Variants in TLK2 observed in about 807,000 individuals in gnomAD.
TLK2 encodes the protein tousled like kinase 2.
A neutral mutation model predicts 117.3 loss-of-function variants in TLK2; 6 were observed. The observed-to-expected ratio is 0.05, with a 90% confidence interval of 0.03 to 0.10. TLK2 has a LOEUF of 0.10. Ranked by LOEUF, TLK2 falls within the 10% of genes least tolerant of loss-of-function variation. The pLI, the probability that TLK2 is intolerant of heterozygous loss-of-function variation, is 1.00. For synonymous variants in TLK2, 257 were observed against 316.7 expected, an observed-to-expected ratio of 0.81 and a Z score of 2.00; for missense variants, 299 against 901.2, an observed-to-expected ratio of 0.33 and a Z score of 8.56.
intron 2 of TLK2, among the ~76,000 whole-genome samples, chr17:62,514,935 G>A (rs764540040): frequency 2.6e-5 from 4 of 152,190 alleles, no homozygotes; most frequent in Non-Finnish European, 5.9e-5. Flanking sequence ...CAGTTCAGTA[G>A]TAAATACATT....
intron 7 of TLK2, among the ~76,000 whole-genome samples, chr17:62,542,349 C>G (rs1356506488): frequency 6.6e-6 from 1 of 152,194 alleles, no homozygotes; most frequent in Non-Finnish European, 1.5e-5. Flanking sequence ...TTGAACCATC[C>G]TCCTACCTTG....
intron 2 of TLK2, among the ~76,000 whole-genome samples, chr17:62,488,196 A>G (rs2072689272): frequency 1.3e-5 from 2 of 152,182 alleles, no homozygotes; most frequent in Admixed American, 1.3e-4. Context: ...GGCCTCCCAA[A>G]GTGCTGGGAT....
At chr17:62,548,835 A>G (rs956719927) in intron 7 of TLK2, among the ~76,000 whole-genome samples, 2 of 150,648 alleles carry the variant, frequency 1.3e-5, no homozygotes, top group African/African-American at 2.4e-5. Flanking sequence ...CTCCTGGGTT[A>G]AAGCAGTTCT....
chr17:62,593,526 AT>A (rs923009518), intron 16 of TLK2, among the ~76,000 whole-genome samples: 3 of 151,390 alleles, frequency 2.0e-5, no homozygotes, highest in Non-Finnish European at 2.9e-5. Flanking sequence ...TTCTATTACA[AT>A]TTTTTTTTAT....
intron 2 of TLK2, among the ~76,000 whole-genome samples, chr17:62,500,976 C>T (rs918447222): frequency 2.8e-4 from 42 of 152,310 alleles, no homozygotes; most frequent in African/African-American, 9.4e-4. Context: ...TGGTGACTCA[C>T]ACCTGTAATC....
rs528439828 is a variant in TLK2 at position 62,595,887 on chromosome 17, G to A, written c.1461-698G>A. Among the ~76,000 whole-genome samples the A allele has an allele frequency of 7.9e-5, 12 of 152,156 alleles. No individual in the cohort carries two copies. The South Asian group carries it at 1.9e-3, about 24-fold the overall frequency. ...AAAAATGACCCCTTTGATGTTACCC[G>A]AGCATATATACATTTACAGATATGA... On this transcript the variant is annotated intron_variant, in intron 16 of 21. Coordinates refer to ENST00000346027, the MANE Select transcript of TLK2 (RefSeq NM_006852.6).
At chr17:62,569,543 C>A (rs1292169375) in intron 11 of TLK2, among the ~76,000 whole-genome samples, 9 of 143,568 alleles carry the variant, frequency 6.3e-5, no homozygotes, top group African/African-American at 2.3e-4. Flanking sequence ...TCAAGCAATT[C>A]TCCTGCCTCA....
At chr17:62,495,917 C>T (rs895937705) in intron 2 of TLK2, among the ~76,000 whole-genome samples, 1 of 151,860 alleles carries the variant, frequency 6.6e-6, no homozygotes, top group African/African-American at 2.4e-5. Flanking sequence ...CCACCCACCT[C>T]TGCCTCTCAA....
At chr17:62,563,061 C>G (rs2079426433) in intron 10 of TLK2, among the ~76,000 whole-genome samples, 1 of 152,120 alleles carries the variant, frequency 6.6e-6, no homozygotes, top group Non-Finnish European at 1.5e-5. Context: ...TGTCTGTTAA[C>G]AAGTGAATGT....
In TLK2 at chr17:62,615,315, G is replaced by T. The variant is rs577561265; in HGVS notation, c.*2750G>T. 130 of 152,258 alleles carry T rather than the reference G, an allele frequency of 8.5e-4. 1 individual carries two copies. Among genetic ancestry groups the T allele is most frequent in the African/African-American group, 3.0e-3 (124 of 41,534 alleles). 9.4% of individuals were successfully genotyped at this position (152,258 alleles called of 1,614,324 possible). A position where few individuals can be genotyped will look rare whatever the true frequency, so the allele number is the denominator to read the frequency against. ...CTTCCATGACATATTTTGTTAATAT[G>T]GGTTTCACTTTTTCCAAGAATAGTC... is the stretch of plus-strand genomic sequence containing the variant. On this transcript the variant is annotated 3_prime_UTR_variant, in exon 22 of 22. Transcript: ENST00000346027.
intron 6 of TLK2, among the ~76,000 whole-genome samples, chr17:62,535,496 G>C (rs985743089): frequency 1.3e-5 from 2 of 152,042 alleles, no homozygotes; most frequent in African/African-American, 4.8e-5. Flanking sequence ...GCCAGGCACG[G>C]TGGCTCATGC....
intron 2 of TLK2, among the ~76,000 whole-genome samples, chr17:62,495,212 G>A (rs2073525275): frequency 6.6e-6 from 1 of 151,786 alleles, no homozygotes; most frequent in African/African-American, 2.4e-5. Context: ...CCTCATGGCC[G>A]GGCATGAGGT....
chr17:62,529,268 T>C (rs2076581022), intron 6 of TLK2, among the ~76,000 whole-genome samples: 1 of 152,156 alleles, frequency 6.6e-6, no homozygotes. Flanking sequence ...GACAGGTTCT[T>C]GCTCTGTTGC....
At chr17:62,509,129 C>T (rs921053307) in intron 2 of TLK2, among the ~76,000 whole-genome samples, 19 of 152,108 alleles carry the variant, frequency 1.2e-4, no homozygotes, top group African/African-American at 4.6e-4. Context: ...TGCTCTGTCA[C>T]CCAGGCTAGA....
chr17:62,498,453 A>G (rs1230617592), intron 2 of TLK2, among the ~76,000 whole-genome samples: 1 of 149,798 alleles, frequency 6.7e-6, no homozygotes, highest in Non-Finnish European at 1.5e-5. Flanking sequence ...GCAGTGGCAC[A>G]GTCTCGGGTC....
At chr17:62,547,282 AAATGTAT>A (rs2078019340) in intron 7 of TLK2, among the ~76,000 whole-genome samples, 2 of 150,384 alleles carry the variant, frequency 1.3e-5, no homozygotes, top group South Asian at 4.2e-4. Context: ...GTTGTCTTGA[AAATGTAT>A]TTAGCTTAGT....
rs2083979317 is a variant in TLK2, at chr17:62,614,251, G to A, written c.*1686G>A. On this transcript the variant is annotated 3_prime_UTR_variant, in exon 22 of 22. Coordinates refer to ENST00000346027, the MANE Select transcript of TLK2 (RefSeq NM_006852.6). ...TCAACTGAAGATGGAGCTGAAATGG[G>A]AGACGGGTGGCCCCACCGTGCCCTT... The A allele has an allele frequency of 6.6e-6, 1 of 152,174 alleles. No individual in the cohort carries two copies. 9.4% of individuals were successfully genotyped at this position (152,174 alleles called of 1,614,324 possible).
intron 7 of TLK2, among the ~76,000 whole-genome samples, chr17:62,549,398 C>CAAAAA (rs777779302): frequency 1.1e-4 from 4 of 37,102 alleles, no homozygotes; most frequent in African/African-American, 4.1e-4. Context: ...GACTCCATCT[C>CAAAAA]AAAAAAAAAA....
intron 6 of TLK2, among the ~76,000 whole-genome samples, chr17:62,529,728 C>G (rs1204639399): frequency 2.0e-5 from 3 of 152,114 alleles, no homozygotes; most frequent in Admixed American, 6.5e-5. Flanking sequence ...ATAATTACCA[C>G]CACATTCAGT....
Sources: gnomAD v4.1 joint callset for allele counts (sites outside exome capture counted in the v4.1 genomes callset) on GRCh38, gnomAD v4.1.1 for gene constraint, MANE v1.5 for transcripts, NCBI Gene and HGNC (gene_info 2026-07-23, HGNC 2026-07-21) for gene names.